Variants in AGAP1 observed in about 807,000 individuals in gnomAD.
AGAP1 encodes arf-GAP with GTPase, ANK repeat and PH domain-containing protein 1.
AGAP1 carries 29 observed loss-of-function variants against 105.3 expected under a neutral mutation model. The ratio of observed to expected loss-of-function variants is 0.28; its 90% CI spans 0.21 to 0.38. AGAP1 has a LOEUF of 0.38. Ranked by LOEUF, AGAP1 falls within the 10% of genes least tolerant of loss-of-function variation. The probability of loss-of-function intolerance (pLI) is 1.00; values close to 1 mark genes in which losing one functional copy is unlikely to be tolerated. For missense variants in AGAP1, 998 were observed against 1,165.1 expected (o/e 0.86, Z 2.09); for synonymous variants, 509 against 485.9 (o/e 1.05, Z -0.63).
chr2:235,810,106 T>A (rs1431414591), intron 9 of AGAP1, among the ~76,000 whole-genome samples: 2 of 152,198 alleles, frequency 1.3e-5, no homozygotes, highest in Non-Finnish European at 2.9e-5. Flanking sequence ...CAAAGTTACA[T>A]GTTTTAAATT....
At chr2:235,666,791 A>G (rs527734155) in intron 1 of AGAP1, among the ~76,000 whole-genome samples, 3 of 152,076 alleles carry the variant, frequency 2.0e-5, no homozygotes, top group African/African-American at 7.2e-5. Flanking sequence ...TTTGGGCTCT[A>G]TGAATGCTTC....
At chr2:235,895,342 T>G (rs919524438) in intron 10 of AGAP1, among the ~76,000 whole-genome samples, 2 of 133,580 alleles carry the variant, frequency 1.5e-5, no homozygotes, top group Non-Finnish European at 1.7e-5. Context: ...CCAGCTTGCC[T>G]CCTCAGACTG....
chr2:235,738,683 G>A (rs988021051), intron 3 of AGAP1, among the ~76,000 whole-genome samples: 53 of 151,204 alleles, frequency 3.5e-4, no homozygotes, highest in Non-Finnish European at 4.9e-4. Flanking sequence ...TCAGCCTCCC[G>A]AGTAGCTGGG....
intron 12 of AGAP1, among the ~76,000 whole-genome samples, chr2:235,933,888 C>T (rs1027555675): frequency 1.3e-5 from 2 of 152,152 alleles, no homozygotes; most frequent in African/African-American, 4.8e-5. Flanking sequence ...AGACAATAAT[C>T]GTAATAATAA....
chr2:235,739,644 A>G lies in AGAP1; in HGVS notation c.311-1319A>G, dbSNP rs2675143. Among the ~76,000 whole-genome samples the G allele has an allele frequency of 0.99, 151,140 of 152,408 alleles. 74,940 individuals are homozygous for G. The highest frequency in any genetic ancestry group is 1 in the East Asian group (5,177 of 5,178). On this transcript the variant is annotated intron_variant, in intron 3 of 17. Transcript: ENST00000304032. This position sits in a 1 kb window ranked among gnomAD's most constrained non-coding sequence, Gnocchi z 5.3. ...AAATGCGGCTGCCTGTGATGGTGGC[A>G]TAGGTGTTGAGTGTGAGCACACGAG...
intron 1 of AGAP1, among the ~76,000 whole-genome samples, chr2:235,562,888 T>C (rs1944208927): frequency 6.6e-6 from 1 of 151,914 alleles, no homozygotes; most frequent in Non-Finnish European, 1.5e-5. Flanking sequence ...GAGATCCCCA[T>C]CTCTTTTAAA....
chr2:235,761,795 A>G (rs1255043250), intron 6 of AGAP1, among the ~76,000 whole-genome samples: 1 of 137,126 alleles, frequency 7.3e-6, no homozygotes, highest in Non-Finnish European at 1.6e-5. Flanking sequence ...AGTTTTTTAT[A>G]ATTTTTTTTT....
rs984183631 is a variant in AGAP1 at position 236,053,707 on chromosome 2, A to G, written c.2114+4426A>G. 6.6e-6 allele frequency among the ~76,000 whole-genome samples: 1 copy of G among 152,268 alleles called. No homozygotes were observed. The highest frequency in any genetic ancestry group is 1.5e-5 in the Non-Finnish European group (1 of 68,042). On this transcript the variant is annotated intron_variant, in intron 16 of 17. Coordinates refer to ENST00000304032, the MANE Select transcript of AGAP1 (RefSeq NM_001037131.3). This position sits in a 1 kb window ranked among gnomAD's most constrained non-coding sequence, Gnocchi z 4.6. ...CTCGCTGCTATTTGCATTTCAGTGC[A>G]GGTAGCCTGTTTACTTGGCGGCTTA...
At position 236,027,319 on chromosome 2, in the gene AGAP1, C is replaced by A. The variant is rs866221424; in HGVS notation, c.1646-9242C>A. ...GGGCCTAGCATAGCTGGATTCCACT[C>A]GGCAGTGTTGGTGTAGAGTGGCCTT... On this transcript the variant is annotated intron_variant, in intron 13 of 17. Coordinates refer to ENST00000304032, the MANE Select transcript of AGAP1 (RefSeq NM_001037131.3). This position sits in a 1 kb window ranked among gnomAD's most constrained non-coding sequence, Gnocchi z 4.4. Among the ~76,000 whole-genome samples, 1 of 152,254 alleles carries A rather than the reference C, an allele frequency of 6.6e-6. No individual in the cohort carries two copies. Among genetic ancestry groups the A allele is most frequent in the East Asian group, 1.9e-4 (1 of 5,166 alleles).
chr2:235,680,435 C>T (rs1033763306), intron 1 of AGAP1, among the ~76,000 whole-genome samples: 1 of 152,096 alleles, frequency 6.6e-6, no homozygotes, highest in African/African-American at 2.4e-5. Context: ...GGGAAGCACC[C>T]TCGTGTCCAT....
Position 235,973,169 on chromosome 2 carries a change from G to A in AGAP1, c.1645+4546G>A, listed in dbSNP as rs1043809500. Reference sequence around the variant, plus strand: ...TGGAAATTGGGCCGTTCCTGCCCTGGAGTTTCTCCCTGCGCAGGTGCTCGC... The same window carrying A: ...TGGAAATTGGGCCGTTCCTGCCCTGAAGTTTCTCCCTGCGCAGGTGCTCGC... On this transcript the variant is annotated intron_variant, in intron 13 of 17. Transcript: ENST00000304032. This position sits in a 1 kb window ranked among gnomAD's most constrained non-coding sequence, Gnocchi z 4.7. Among the ~76,000 whole-genome samples the A allele has an allele frequency of 3.9e-5, 6 of 152,192 alleles. No individual in the cohort carries two copies. The highest frequency in any genetic ancestry group is 1.2e-4 in the African/African-American group (5 of 41,448).
chr2:235,590,418 T>C (rs1015502414), intron 1 of AGAP1, among the ~76,000 whole-genome samples: 1 of 152,004 alleles, frequency 6.6e-6, no homozygotes, highest in Non-Finnish European at 1.5e-5. Flanking sequence ...CCTAGGGATA[T>C]GGAAGGAGGC....
chr2:235,564,304 G>T (rs1944269020), intron 1 of AGAP1, among the ~76,000 whole-genome samples: 1 of 152,064 alleles, frequency 6.6e-6, no homozygotes, highest in African/African-American at 2.4e-5. Context: ...GACTCTCTGG[G>T]GATACTGTTA....
intron 9 of AGAP1, among the ~76,000 whole-genome samples, chr2:235,844,560 T>A (rs1283568846): frequency 6.6e-6 from 1 of 152,124 alleles, no homozygotes; most frequent in Non-Finnish European, 1.5e-5. Flanking sequence ...CAAGATGGCA[T>A]CTCTGCATTA....
chr2:235,910,759 A>T (rs913241159), intron 11 of AGAP1, among the ~76,000 whole-genome samples: 7 of 152,150 alleles, frequency 4.6e-5, no homozygotes, highest in African/African-American at 1.7e-4. Flanking sequence ...CTCTACTAAA[A>T]ATACAAAATT....
intron 13 of AGAP1, among the ~76,000 whole-genome samples, chr2:236,034,522 A>G (rs1410993601): frequency 6.6e-6 from 1 of 152,064 alleles, no homozygotes; most frequent in East Asian, 1.9e-4. Context: ...TTCCTGAGCA[A>G]CCAGACCCTC....
rs115180791 is a variant in AGAP1, at chr2:236,046,414, C to G, written c.1892-2645C>G. On this transcript the variant is annotated intron_variant, in intron 15 of 17. Transcript: ENST00000304032. The surrounding 1 kb of genome is among the most constrained non-coding windows in gnomAD (Gnocchi z 5.2). ...ACCCCAGTTGCGATGCTGGTGAGGA[C>G]GCCCATGGGAGCATAAGTTCGAGAA... Among the ~76,000 whole-genome samples the G allele has an allele frequency of 0.01, 1,582 of 152,156 alleles. 18 individuals are homozygous for G. Among genetic ancestry groups the G allele is most frequent in the Admixed American group, 0.012 (186 of 15,292 alleles).
chr2:235,823,334 C>T (rs531799829), intron 9 of AGAP1, among the ~76,000 whole-genome samples: 1 of 152,242 alleles, frequency 6.6e-6, no homozygotes, highest in African/African-American at 2.4e-5. Context: ...CCCACCTCCC[C>T]GTATCACCCA....
intron 4 of AGAP1, among the ~76,000 whole-genome samples, chr2:235,742,154 C>T (rs1952630738): frequency 6.6e-6 from 1 of 152,128 alleles, no homozygotes; most frequent in South Asian, 2.1e-4. Context: ...TGGACTTAAC[C>T]TTTTTGTGAA....
Sources: allele counts gnomAD v4.1 joint callset (sites outside exome capture counted in the v4.1 genomes callset), GRCh38; gene constraint gnomAD v4.1.1; non-coding constraint Gnocchi (gnomAD v3.1); transcripts MANE v1.5; gene names NCBI Gene and HGNC (gene_info 2026-07-23, HGNC 2026-07-21).